TMEM184A: variants seen among roughly 807,000 people sequenced by gnomAD.
TMEM184A encodes transmembrane protein 184A, also known as sexually dimorphic, expressed in male gonads 1.
TMEM184A carries 40 observed loss-of-function variants against 39.5 expected under a neutral mutation model. That is an observed-to-expected ratio of 1.01 (90% CI 0.79 to 1.32). TMEM184A has a LOEUF of 1.32. Among genes scored for constraint, TMEM184A ranks in the 40% most tolerant of loss-of-function variants. TMEM184A has a pLI of 0.00. For synonymous variants in TMEM184A, 280 were observed against 252.3 expected, an observed-to-expected ratio of 1.11 and a Z score of -1.04; for missense variants, 603 against 568.8, an observed-to-expected ratio of 1.06 and a Z score of -0.61.
At chr7:1,554,645 G>A (rs1199402533) in intron 2 of TMEM184A, among the ~76,000 whole-genome samples, 1 of 152,226 alleles carries the variant, frequency 6.6e-6, no homozygotes. Context: ...CCTTGCCCCT[G>A]CCTGGCCCTT....
At chr7:1,549,709 G>T in intron 6 of TMEM184A, 145 bp downstream of exon 6, 1 of 772,534 alleles carries the variant, frequency 1.3e-6, no homozygotes, top group South Asian at 1.5e-5. Context: ...GGGACCCAGT[G>T]CCCACCTCAT....
chr7:1,555,460 C>G lies in TMEM184A; in HGVS notation c.25G>C (p.Glu9Gln), dbSNP rs576605241. MSNVSGIL[E>Q]TAGVPLVSAN... ...GACACCAGGGGGACGCCGGCTGTCT[C>G]CAGGATCCCTGAGACATTACTCATC... Residue 9 changes from glutamate to glutamine, a missense_variant, in exon 2 of 9, where the codon GAG (glutamate) becomes CAG (glutamine). Transcript: ENST00000297477. This position sits in a 1 kb window ranked among gnomAD's most constrained non-coding sequence, Gnocchi z 5.2. 5 of 1,608,274 alleles carry G rather than the reference C, an allele frequency of 3.1e-6. No individual in the cohort carries two copies. The highest frequency in any genetic ancestry group is 3.3e-5 in the Admixed American group (2 of 59,938).
intron 8 of TMEM184A, 55 bp from the exon 9 acceptor site, chr7:1,547,236 G>A: frequency 9.7e-7 from 1 of 1,026,940 alleles, no homozygotes; most frequent in Admixed American, 2.3e-5. Flanking sequence ...CAGCTCCCCG[G>A]ACAAGTCCCC....
chr7:1,547,523 G>C (rs1305860014), intron 8 of TMEM184A, among the ~76,000 whole-genome samples: 1 of 152,162 alleles, frequency 6.6e-6, no homozygotes, highest in Non-Finnish European at 1.5e-5. Context: ...CTAATAGGGG[G>C]TGTGCCTGGC....
At chr7:1,554,807 C>G (rs559904648) in intron 2 of TMEM184A, among the ~76,000 whole-genome samples, 2 of 152,310 alleles carry the variant, frequency 1.3e-5, no homozygotes, top group African/African-American at 4.8e-5. Flanking sequence ...CTCTAACAAG[C>G]TGTGACCTTT....
At position 1,543,384 on chromosome 7, in the gene TMEM184A, G is replaced by GA. The variant is rs1784248986; in HGVS notation, c.*3567_*3568insT. ...ACGGCTGTCAGTGTTCCCCTTCCCT[G>GA]GGAGACATCTCGCCCAGCTTTGCTG... On this transcript the variant is annotated 3_prime_UTR_variant, in exon 9 of 9. Coordinates refer to ENST00000297477, the MANE Select transcript of TMEM184A (RefSeq NM_001097620.2). 1 of 152,298 alleles carries GA rather than the reference G, an allele frequency of 6.6e-6. No individual in the cohort carries two copies. Among genetic ancestry groups the GA allele is most frequent in the East Asian group, 1.9e-4 (1 of 5,192 alleles). 9.4% of individuals were successfully genotyped at this position (152,298 alleles called of 1,614,324 possible).
rs1386043711 is a variant in TMEM184A, at chr7:1,547,201, G to A, written c.1013-20C>T. 6 of 1,419,826 alleles carry A rather than the reference G, an allele frequency of 4.2e-6. No individual in the cohort carries two copies. The highest frequency in any genetic ancestry group is 3.5e-5 in the Admixed American group (2 of 57,402). The allele number at this position is 1,419,826 out of a possible 1,614,324, so 88.0% of individuals were successfully genotyped here. ...GGGGGGCTGGGGGAGGGCAGTGTAT[G>A]AGCCCCACCATCCCCCCTGCACTCC... On this transcript the variant is annotated intron_variant, in intron 8 of 8. Transcript: ENST00000297477.
Position 1,555,909 on chromosome 7 carries a change from C to T in TMEM184A, c.-1+205G>A, listed in dbSNP as rs114177122. 1,309 of 256,610 alleles carry T rather than the reference C, an allele frequency of 5.1e-3. 23 individuals carry two copies. The highest frequency in any genetic ancestry group is 0.029 in the African/African-American group (1,244 of 42,400). 15.9% of individuals were successfully genotyped at this position (256,610 alleles called of 1,614,324 possible). On this transcript the variant is annotated intron_variant, in intron 1 of 8. Coordinates refer to ENST00000297477, the MANE Select transcript of TMEM184A (RefSeq NM_001097620.2). This position sits in a 1 kb window ranked among gnomAD's most constrained non-coding sequence, Gnocchi z 5.2. Reference sequence around the variant, plus strand: ...CGGCAGGAGGGGGTGTGCAGCCACCCTCATGGGAGGAGCCGGCCCTCACTG... The same window carrying T: ...CGGCAGGAGGGGGTGTGCAGCCACCTTCATGGGAGGAGCCGGCCCTCACTG...
chr7:1,547,214 C>A (rs1784386415), intron 8 of TMEM184A, 33 bp from the exon 9 acceptor site: 7 of 1,281,368 alleles, frequency 5.5e-6, no homozygotes, highest in African/African-American at 1.4e-5. Flanking sequence ...CCCCACCATC[C>A]CCCCTGCACT....
At position 1,555,573 on chromosome 7, in the gene TMEM184A, CAGTG is replaced by C; in HGVS notation, c.1-93_1-90del. ...AGGAAGCAGCGGGGGAGGGAGGAGACAGTGAGACGGGAGCTGAGGCTGAGCCACC... is the reference window on the plus strand; with the variant it reads ...AGGAAGCAGCGGGGGAGGGAGGAGACAGACGGGAGCTGAGGCTGAGCCACC... On this transcript the variant is annotated intron_variant, in intron 1 of 8. Transcript: ENST00000297477. The surrounding 1 kb of genome is among the most constrained non-coding windows in gnomAD (Gnocchi z 5.2). The C allele has an allele frequency of 1.0e-6, 1 of 996,568 alleles. No homozygotes were observed. Among genetic ancestry groups the C allele is most frequent in the Non-Finnish European group, 1.6e-6 (1 of 643,936 alleles). The allele number at this position is 996,568 out of a possible 1,614,324, so 61.7% of individuals were successfully genotyped here. A position where few individuals can be genotyped will look rare whatever the true frequency, so the allele number is the denominator to read the frequency against.
At position 1,547,808 on chromosome 7, in the gene TMEM184A, C is replaced by A; in HGVS notation, c.946G>T (p.Ala316Ser). The A allele has an allele frequency of 7.4e-6, 12 of 1,612,850 alleles. No homozygotes were observed. Among genetic ancestry groups the A allele is most frequent in the Non-Finnish European group, 1.0e-5 (12 of 1,179,858 alleles). Residue 316 changes from alanine (A) to serine (S), a missense_variant, in exon 8 of 9, where the codon GCC (alanine) becomes TCC (serine). Coordinates refer to ENST00000297477, the MANE Select transcript of TMEM184A (RefSeq NM_001097620.2). ...AAGGCATAACGCAGGGCCACGGAGG[C>A]GAACAGCATCTCCACGCAGATGATG... ...NFIICVEMLF[A>S]SVALRYAFPC...
chr7:1,550,694 G>T, intron 3 of TMEM184A, 123 bp downstream of exon 3: 1 of 1,261,394 alleles, frequency 7.9e-7, no homozygotes, highest in Non-Finnish European at 1.1e-6. Context: ...TATCCTGGCA[G>T]CCCCTCTGAC....
At position 1,548,618 on chromosome 7, in the gene TMEM184A, A is replaced by G. The variant is rs748216292; in HGVS notation, c.715T>C (p.Phe239Leu). 1.2e-6 allele frequency: 2 copies of G among 1,613,916 alleles called. No homozygotes were observed. The change falls in exon 7 of 9, where the codon TTC becomes CTC. Residue 239 changes from phenylalanine to leucine, a missense_variant. Coordinates refer to ENST00000297477, the MANE Select transcript of TMEM184A (RefSeq NM_001097620.2). ...ASVSLALYAL[F>L]LFYFTTRELL... is the part of the protein sequence containing the mutation. ...TCCCTGGTGGTGAAGTAGAAGAGGAACAGGGCGTAGAGGGCGAGGCTGACG... is the reference window on the plus strand; with the variant it reads ...TCCCTGGTGGTGAAGTAGAAGAGGAGCAGGGCGTAGAGGGCGAGGCTGACG...
chr7:1,547,235 G>A (rs550781787), intron 8 of TMEM184A, 54 bp from the exon 9 acceptor site: 10,707 of 1,035,460 alleles, frequency 0.01, 92 homozygotes, highest in Non-Finnish European at 0.013. Context: ...CCAGCTCCCC[G>A]GACAAGTCCC....
rs771319533 is a variant in TMEM184A, at chr7:1,549,487, C to G, written c.644+367G>C. 2.5e-4 allele frequency: 118 copies of G among 476,208 alleles called. 1 individual carries two copies. The Middle Eastern group carries it at 2.7e-3, about 11-fold the overall frequency. 29.5% of individuals were successfully genotyped at this position (476,208 alleles called of 1,614,324 possible). A position where few individuals can be genotyped will look rare whatever the true frequency, so the allele number is the denominator to read the frequency against. ...GGCTGGGCGGGGGCTGGGGCCATCA[C>G]TGCCTGGCCAGAAGCCCTGGGGTCC... On this transcript the variant is annotated intron_variant, in intron 6 of 8. Coordinates refer to ENST00000297477, the MANE Select transcript of TMEM184A (RefSeq NM_001097620.2).
Position 1,542,846 on chromosome 7 carries a change from G to A in TMEM184A, c.*4106C>T, listed in dbSNP as rs1784230688. 1 of 152,628 alleles carries A rather than the reference G, an allele frequency of 6.6e-6. No individual in the cohort carries two copies. The highest frequency in any genetic ancestry group is 1.5e-5 in the Non-Finnish European group (1 of 68,050). The allele number at this position is 152,628 out of a possible 1,614,324, so 9.5% of individuals were successfully genotyped here. On this transcript the variant is annotated 3_prime_UTR_variant, in exon 9 of 9. Transcript: ENST00000297477. Reference sequence around the variant, plus strand: ...CCTCACCCTGGCTTCTGTGCTACTTGGCAGTTCCATTTCATTATTTATTTT... The same window carrying A: ...CCTCACCCTGGCTTCTGTGCTACTTAGCAGTTCCATTTCATTATTTATTTT...
In TMEM184A at chr7:1,543,642, T is replaced by G. The variant is rs1784257306; in HGVS notation, c.*3310A>C. The G allele has an allele frequency of 6.6e-6, 1 of 152,384 alleles. No individual in the cohort carries two copies. Among genetic ancestry groups the G allele is most frequent in the Non-Finnish European group, 1.5e-5 (1 of 68,106 alleles). The allele number at this position is 152,384 out of a possible 1,614,324, so 9.4% of individuals were successfully genotyped here. A position where few individuals can be genotyped will look rare whatever the true frequency, so the allele number is the denominator to read the frequency against. On this transcript the variant is annotated 3_prime_UTR_variant, in exon 9 of 9. Coordinates refer to ENST00000297477, the MANE Select transcript of TMEM184A (RefSeq NM_001097620.2). Reference sequence around the variant, plus strand: ...CGCAGGGTGAAATCCCAACTCGAGTTTTTTGAGACAGTATCTTGCTTTGTC... The same window carrying G: ...CGCAGGGTGAAATCCCAACTCGAGTGTTTTGAGACAGTATCTTGCTTTGTC...
intron 3 of TMEM184A, 21 bp from the exon 4 acceptor site, chr7:1,550,416 GA>G (rs1198201766): frequency 5.7e-6 from 9 of 1,589,414 alleles, no homozygotes; most frequent in Non-Finnish European, 6.9e-6. Context: ...CACAGAGGGG[GA>G]CCGGCTGTGA....
chr7:1,544,973 C>G lies in TMEM184A; in HGVS notation c.*1979G>C, dbSNP rs1432188499. On this transcript the variant is annotated 3_prime_UTR_variant, in exon 9 of 9. Coordinates refer to ENST00000297477, the MANE Select transcript of TMEM184A (RefSeq NM_001097620.2). ...GACATAGGGGCTCAGCCCCTGACACCTCAGCCTCTGCCGCCCGGAGCCCAG... is the reference window on the plus strand; with the variant it reads ...GACATAGGGGCTCAGCCCCTGACACGTCAGCCTCTGCCGCCCGGAGCCCAG... 1 of 152,242 alleles carries G rather than the reference C, an allele frequency of 6.6e-6. No homozygotes were observed. Among genetic ancestry groups the G allele is most frequent in the African/African-American group, 2.4e-5 (1 of 41,464 alleles). The allele number at this position is 152,242 out of a possible 1,614,324, so 9.4% of individuals were successfully genotyped here.
Sources: gnomAD v4.1 joint callset for allele counts (sites outside exome capture counted in the v4.1 genomes callset) on GRCh38, gnomAD v4.1.1 for gene constraint, Gnocchi (gnomAD v3.1) non-coding constraint, MANE v1.5 for transcripts, NCBI Gene and HGNC (gene_info 2026-07-23, HGNC 2026-07-21) for gene names.